Variants in TRMT11 observed in about 807,000 individuals in gnomAD.
The protein encoded by TRMT11 is tRNA methyltransferase 11.
Under a neutral mutation model 62.8 loss-of-function variants are expected in TRMT11, and 53 were observed. The ratio of observed to expected loss-of-function variants is 0.84; its 90% CI spans 0.68 to 1.06. TRMT11 has a LOEUF of 1.06. Among genes scored for constraint, TRMT11 ranks in the 50% least tolerant of loss-of-function variants. TRMT11 has a pLI of 0.00. For synonymous variants in TRMT11, 188 were observed against 190.3 expected (o/e 0.99, Z 0.10); for missense variants, 556 against 553.4 (o/e 1.00, Z -0.05).
chr6:126,243,303 G>A, the TRMT11 span, among the ~76,000 whole-genome samples: 3 of 152,182 alleles, frequency 2.0e-5, no homozygotes, highest in African/African-American at 4.8e-5. Context: ...TGGAGAGGAC[G>A]TGGAGAAATA....
chr6:126,156,539 A>G (rs1302465382), intron 21 of TRMT11, among the ~76,000 whole-genome samples: 2 of 152,224 alleles, frequency 1.3e-5, no homozygotes, highest in Non-Finnish European at 2.9e-5. Context: ...ATGTATTAGT[A>G]CATTCTTGTG....
chr6:126,132,657 CTGAT>C, intron 21 of TRMT11, among the ~76,000 whole-genome samples: 1 of 152,128 alleles, frequency 6.6e-6, no homozygotes, highest in East Asian at 1.9e-4. Context: ...TTGACTGAAA[CTGAT>C]TGCAGTAGTA....
At chr6:126,112,726 T>C (rs952521337) in intron 17 of TRMT11, among the ~76,000 whole-genome samples, 2 of 152,140 alleles carry the variant, frequency 1.3e-5, no homozygotes, top group African/African-American at 4.8e-5. Flanking sequence ...TTCTCTCATC[T>C]GTCATTTCTA....
At chr6:126,118,658 A>G (rs1583880304) in intron 21 of TRMT11, among the ~76,000 whole-genome samples, 1 of 152,036 alleles carries the variant, frequency 6.6e-6, no homozygotes, top group South Asian at 2.1e-4. Flanking sequence ...CAACAATTAC[A>G]TTCGGCTTGA....
chr6:126,236,262 C>T, the TRMT11 span, among the ~76,000 whole-genome samples: 3 of 152,176 alleles, frequency 2.0e-5, no homozygotes, highest in African/African-American at 7.2e-5. Flanking sequence ...ATGTTAATGG[C>T]CTTGAGTGAT....
intron 21 of TRMT11, among the ~76,000 whole-genome samples, chr6:126,122,112 CTG>C (rs1777656892): frequency 2.6e-5 from 4 of 152,104 alleles, no homozygotes; most frequent in Non-Finnish European, 5.9e-5. Context: ...CCTGCACATG[CTG>C]TCTTGCCTGC....
At chr6:126,000,861 A>T (rs1792354158) in intron 7 of TRMT11, among the ~76,000 whole-genome samples, 1 of 152,116 alleles carries the variant, frequency 6.6e-6, no homozygotes. Context: ...TATCCTAAGT[A>T]ACTCACCCCA....
intron 21 of TRMT11, among the ~76,000 whole-genome samples, chr6:126,148,185 C>T (rs1250802998): frequency 6.6e-6 from 1 of 152,162 alleles, no homozygotes; most frequent in Non-Finnish European, 1.5e-5. Flanking sequence ...CTCAGTTAGT[C>T]TGGTCCATGG....
chr6:126,044,446 T>G (rs567784147), intron 16 of TRMT11, among the ~76,000 whole-genome samples: 65 of 152,338 alleles, frequency 4.3e-4, no homozygotes, highest in Middle Eastern at 3.4e-3. Context: ...CATGCTGTTT[T>G]GGTTACTGTA....
At chr6:126,000,379 T>G (rs905016026) in intron 7 of TRMT11, among the ~76,000 whole-genome samples, 4 of 152,140 alleles carry the variant, frequency 2.6e-5, no homozygotes, top group Admixed American at 2.6e-4. Flanking sequence ...GCAGTGATGA[T>G]GCAGAGCTAA....
intron 12 of TRMT11, among the ~76,000 whole-genome samples, chr6:126,036,957 C>A (rs1401574831): frequency 6.6e-6 from 1 of 151,938 alleles, no homozygotes; most frequent in Non-Finnish European, 1.5e-5. Flanking sequence ...GCTCTTACAC[C>A]TCCTCTTGAT....
chr6:126,108,700 G>A (rs1018303905), intron 17 of TRMT11, among the ~76,000 whole-genome samples: 6 of 152,196 alleles, frequency 3.9e-5, no homozygotes, highest in Admixed American at 3.9e-4. Flanking sequence ...ATAACAAAGA[G>A]AGAAGAGAGG....
chr6:126,200,312 G>A (rs186503957), intron 3 of TRMT11, among the ~76,000 whole-genome samples: 28 of 152,088 alleles, frequency 1.8e-4, no homozygotes, highest in Non-Finnish European at 3.2e-4. Flanking sequence ...ATCAAATGAA[G>A]TAGGAAAGAT....
chr6:126,058,176 A>C (rs59887357), intron 17 of TRMT11, among the ~76,000 whole-genome samples: 5,514 of 151,050 alleles, frequency 0.037, 289 homozygotes, highest in African/African-American at 0.12. Flanking sequence ...TCATTGTTCA[A>C]CTCCCACTTA....
chr6:126,203,162 T>A (rs1406014739), downstream of TRMT11, among the ~76,000 whole-genome samples: 1 of 152,234 alleles, frequency 6.6e-6, no homozygotes, highest in African/African-American at 2.4e-5. Flanking sequence ...CACAGGGCCC[T>A]GAGCTCAGAA....
intron 7 of TRMT11, among the ~76,000 whole-genome samples, chr6:126,003,687 C>CT (rs1239587761): frequency 3.3e-5 from 5 of 151,858 alleles, no homozygotes; most frequent in African/African-American, 9.7e-5. Flanking sequence ...TTTGATTTGT[C>CT]TTTTTTTGTC....
At chr6:126,093,631 A>ATATATATATATATATTTTTTTTTT (rs1554236842) in intron 17 of TRMT11, among the ~76,000 whole-genome samples, 2 of 98,014 alleles carry the variant, frequency 2.0e-5, no homozygotes, top group African/African-American at 8.7e-5. Context: ...ATATATATAT[A>ATATATATATATATATTTTTTTTTT]TTTTCCCCCA....
chr6:126,055,282 A>C (rs1199128837), intron 17 of TRMT11, among the ~76,000 whole-genome samples: 1 of 151,952 alleles, frequency 6.6e-6, no homozygotes, highest in Non-Finnish European at 1.5e-5. Flanking sequence ...CCTTTTAAAA[A>C]CCCATTACTA....
At chr6:126,181,976 T>C (rs1044097186) in intron 1 of TRMT11, among the ~76,000 whole-genome samples, 1 of 152,196 alleles carries the variant, frequency 6.6e-6, no homozygotes, top group South Asian at 2.1e-4. Context: ...AACTCCTTGG[T>C]CTGAAAAGAC....
Sources: allele counts gnomAD v4.1 joint callset (sites outside exome capture counted in the v4.1 genomes callset), GRCh38; gene constraint gnomAD v4.1.1; transcripts MANE v1.5; gene names NCBI Gene and HGNC (gene_info 2026-07-23, HGNC 2026-07-21).